Variants in TAFA4 observed in about 807,000 individuals in gnomAD.
The protein encoded by TAFA4 is TAFA chemokine like family member 4.
Under a neutral mutation model 21.1 loss-of-function variants are expected in TAFA4, and 20 were observed. The ratio of observed to expected loss-of-function variants is 0.95; its 90% CI spans 0.67 to 1.38. The LOEUF is 1.38. Among genes scored for constraint, TAFA4 ranks in the 40% most tolerant of loss-of-function variants. The probability of loss-of-function intolerance (pLI) is 0.00; values close to 1 mark genes in which losing one functional copy is unlikely to be tolerated. For missense variants in TAFA4, 211 were observed against 180.9 expected, an observed-to-expected ratio of 1.17 and a Z score of -0.95; for synonymous variants, 71 against 67.4, an observed-to-expected ratio of 1.05 and a Z score of -0.26.
At chr3:68,898,243 G>C (rs2089811639) in intron 1 of TAFA4, among the ~76,000 whole-genome samples, 1 of 152,220 alleles carries the variant, frequency 6.6e-6, no homozygotes, top group South Asian at 2.1e-4. Context: ...TATGATCCAA[G>C]AATCCGGAAA....
rs192013305 is a variant in TAFA4, at chr3:68,775,230, T to G, written c.131-22212A>C. Among the ~76,000 whole-genome samples the G allele has an allele frequency of 9.8e-4, 149 of 152,262 alleles. 1 individual carries two copies. The highest frequency in any genetic ancestry group is 3.5e-3 in the African/African-American group (144 of 41,554). ...TTGTACTCACTCTTTTCCAATTTCC[T>G]CCACTGGGTGCTCATGAGAAAGCTT... is the stretch of plus-strand genomic sequence containing the variant. On this transcript the variant is annotated intron_variant, in intron 3 of 5. Transcript: ENST00000295569.
At chr3:68,821,199 T>C (rs2106862737) in intron 3 of TAFA4, among the ~76,000 whole-genome samples, 2 of 152,268 alleles carry the variant, frequency 1.3e-5, no homozygotes, top group Middle Eastern at 6.8e-3. Context: ...TGCCAAAATA[T>C]ACCACGCTGT....
chr3:68,833,779 ACC>A (rs1218510470), intron 3 of TAFA4, among the ~76,000 whole-genome samples: 2 of 152,150 alleles, frequency 1.3e-5, no homozygotes, highest in Non-Finnish European at 2.9e-5. Context: ...TGAACTGATC[ACC>A]CCTTTCAGTT....
chr3:68,826,959 A>T (rs1257495905), intron 3 of TAFA4, among the ~76,000 whole-genome samples: 1 of 152,100 alleles, frequency 6.6e-6, no homozygotes, highest in East Asian at 1.9e-4. Context: ...ATAGCTATAC[A>T]TGTGCCGTGT....
chr3:68,787,231 C>T (rs887087767), intron 3 of TAFA4, among the ~76,000 whole-genome samples: 1 of 152,086 alleles, frequency 6.6e-6, no homozygotes. Flanking sequence ...AACAGAAAAA[C>T]AACCAGACCT....
intron 3 of TAFA4, among the ~76,000 whole-genome samples, chr3:68,762,245 G>A (rs1430093298): frequency 6.6e-6 from 1 of 151,884 alleles, no homozygotes; most frequent in Non-Finnish European, 1.5e-5. Flanking sequence ...GGTAAATCTT[G>A]ATTGGAATGG....
intron 3 of TAFA4, among the ~76,000 whole-genome samples, chr3:68,808,520 T>C (rs1703753662): frequency 6.6e-6 from 1 of 152,202 alleles, no homozygotes; most frequent in African/African-American, 2.4e-5. Context: ...TGAGCCACCA[T>C]AGCCTACTTT....
chr3:68,836,786 G>T (rs982013088), intron 3 of TAFA4, among the ~76,000 whole-genome samples: 16 of 150,310 alleles, frequency 1.1e-4, no homozygotes, highest in Middle Eastern at 3.2e-3. Context: ...GAGTCCAGGG[G>T]TCAGGGTTCA....
At chr3:68,920,638 AAT>A (rs1491313398) in intron 1 of TAFA4, among the ~76,000 whole-genome samples, 5 of 130,120 alleles carry the variant, frequency 3.8e-5, no homozygotes, top group Non-Finnish European at 6.7e-5. Context: ...CTTTTTCTCT[AAT>A]TTTTTTTTTT....
intron 1 of TAFA4, among the ~76,000 whole-genome samples, chr3:68,924,760 A>G (rs2090091543): frequency 6.6e-6 from 1 of 151,826 alleles, no homozygotes; most frequent in South Asian, 2.1e-4. Flanking sequence ...ATTAACAAAC[A>G]TTCTCCAACG....
At chr3:68,871,738 A>G (rs2089485279) in intron 3 of TAFA4, among the ~76,000 whole-genome samples, 1 of 152,186 alleles carries the variant, frequency 6.6e-6, no homozygotes, top group African/African-American at 2.4e-5. Context: ...AAAATGGGCA[A>G]AAGAGTTGAA....
At chr3:68,839,216 GA>G (rs1704597425) in intron 3 of TAFA4, among the ~76,000 whole-genome samples, 1 of 152,202 alleles carries the variant, frequency 6.6e-6, no homozygotes, top group South Asian at 2.1e-4. Flanking sequence ...TCCTACAAAG[GA>G]AAATAGTAAG....
intron 3 of TAFA4, among the ~76,000 whole-genome samples, chr3:68,873,983 T>C (rs2089518301): frequency 6.6e-6 from 1 of 152,180 alleles, no homozygotes; most frequent in South Asian, 2.1e-4. Flanking sequence ...ACACTGTTGC[T>C]ATTCACTTCT....
rs778949359 is a variant in TAFA4, at chr3:68,856,765, T to C, written c.130+23965A>G. ...AACAAGAATTATACCTCACTCCTAC[T>C]CAGGGACATGCAGGTAGGAACCACA... On this transcript the variant is annotated intron_variant, in intron 3 of 5. Transcript: ENST00000295569. Among the ~76,000 whole-genome samples the C allele has an allele frequency of 8.9e-4, 135 of 152,112 alleles. 1 individual carries two copies. The highest frequency in any genetic ancestry group is 8.5e-4 in the Non-Finnish European group (58 of 68,008).
At chr3:68,911,890 C>T (rs2089964576) in intron 1 of TAFA4, among the ~76,000 whole-genome samples, 1 of 152,146 alleles carries the variant, frequency 6.6e-6, no homozygotes, top group Admixed American at 6.5e-5. Context: ...GCTCTAGTGC[C>T]CAGATCATCA....
intron 3 of TAFA4, among the ~76,000 whole-genome samples, chr3:68,827,236 T>G (rs1049165828): frequency 1.3e-5 from 2 of 152,184 alleles, no homozygotes; most frequent in African/African-American, 4.8e-5. Flanking sequence ...TATGGCTGCA[T>G]AGTATTTCAT....
intron 1 of TAFA4, among the ~76,000 whole-genome samples, chr3:68,903,597 T>C (rs2106988559): frequency 6.6e-6 from 1 of 152,352 alleles, no homozygotes; most frequent in East Asian, 1.9e-4. Flanking sequence ...GATCACTACA[T>C]TTCCATATAA....
chr3:68,792,751 A>C (rs747651263), intron 3 of TAFA4, among the ~76,000 whole-genome samples: 3 of 152,190 alleles, frequency 2.0e-5, no homozygotes, highest in Non-Finnish European at 2.9e-5. Flanking sequence ...TTTTCATCTA[A>C]GATCTTTTCA....
chr3:68,912,579 C>T (rs762528829), intron 1 of TAFA4, among the ~76,000 whole-genome samples: 1 of 152,176 alleles, frequency 6.6e-6, no homozygotes, highest in East Asian at 1.9e-4. Flanking sequence ...AGCGGCATGC[C>T]GTTAATCAAG....
Sources: gnomAD v4.1 joint callset for allele counts (sites outside exome capture counted in the v4.1 genomes callset) on GRCh38, gnomAD v4.1.1 for gene constraint, MANE v1.5 for transcripts, NCBI Gene and HGNC (gene_info 2026-07-23, HGNC 2026-07-21) for gene names.